ZNF696: variants seen among roughly 807,000 people sequenced by gnomAD.
ZNF696 encodes zinc finger protein 696.
In ZNF696, 10 loss-of-function variants were observed where a neutral mutation model predicts 12.3. The observed-to-expected ratio is 0.81, with a 90% CI of 0.50 to 1.38. The LOEUF (loss-of-function observed/expected upper bound fraction) is 1.38, where lower values mean the gene tolerates loss of function less well. ZNF696 is among the 40% of genes most tolerant of loss of function. The pLI, the probability that ZNF696 is intolerant of heterozygous loss-of-function variation, is 0.00. For synonymous variants in ZNF696, 304 were observed against 243.9 expected (o/e 1.25, Z -2.29); for missense variants, 675 against 554.7 (o/e 1.22, Z -2.18).
chr8:143,293,431 T>A, intron 2 of ZNF696: 1 of 388,624 alleles, frequency 2.6e-6, no homozygotes, highest in Non-Finnish European at 4.6e-6. Context: ...CTCTGCCCAC[T>A]TGGTGTCAGT....
Position 143,296,993 on chromosome 8 carries a change from A to G in ZNF696, c.*193A>G, listed in dbSNP as rs1815732322. 1.9e-6 allele frequency: 1 copy of G among 534,480 alleles called. No homozygotes were observed. The allele number at this position is 534,480 out of a possible 1,614,324, so 33.1% of individuals were successfully genotyped here. A position where few individuals can be genotyped will look rare whatever the true frequency, so the allele number is the denominator to read the frequency against. ...AATCAGGAGAGACAGGGCTCGGGGA[A>G]GGCGAGCGCTGCCCGCGGGAGGCGA... On this transcript the variant is annotated 3_prime_UTR_variant, in exon 3 of 3. Transcript: ENST00000330143.
In ZNF696 at chr8:143,298,740, G is replaced by A. The variant is rs1338562837; in HGVS notation, c.*1940G>A. Among the ~76,000 whole-genome samples, 2 of 152,214 alleles carry A rather than the reference G, an allele frequency of 1.3e-5. No individual in the cohort carries two copies. Among genetic ancestry groups the A allele is most frequent in the East Asian group, 3.8e-4 (2 of 5,196 alleles). On this transcript the variant is annotated 3_prime_UTR_variant, in exon 3 of 3. Transcript: ENST00000330143. ...GGTACATACTGTCACGCATGAATAGGCAGGACTCCTTAAAGAACTTTTGGA... is the reference window on the plus strand; with the variant it reads ...GGTACATACTGTCACGCATGAATAGACAGGACTCCTTAAAGAACTTTTGGA...
At chr8:143,293,364 C>A in intron 2 of ZNF696, 1 of 527,158 alleles carries the variant, frequency 1.9e-6, no homozygotes, top group Non-Finnish European at 3.3e-6. Context: ...TTGGAATGGA[C>A]GAGTCTTTGT....
chr8:143,295,691 C>T, intron 2 of ZNF696, 49 bp from the exon 3 acceptor site: 1 of 1,488,980 alleles, frequency 6.7e-7, no homozygotes, highest in Non-Finnish European at 8.9e-7. Context: ...CCACCCTCGA[C>T]TCACGTTCTC....
Position 143,299,200 on chromosome 8 carries a change from T to C in ZNF696, c.*2400T>C, listed in dbSNP as rs1815764489. 6.6e-6 allele frequency among the ~76,000 whole-genome samples: 1 copy of C among 151,996 alleles called. No homozygotes were observed. Among genetic ancestry groups the C allele is most frequent in the African/African-American group, 2.4e-5 (1 of 41,380 alleles). ...TAAAGGAAAATGAGCCGAGTGATGG[T>C]CTTAGATATAAGATGGAATGGCAAG... On this transcript the variant is annotated 3_prime_UTR_variant, in exon 3 of 3. Transcript: ENST00000330143.
At chr8:143,295,683 A>G (rs922283106) in intron 2 of ZNF696, 57 bp from the exon 3 acceptor site, 9 of 1,474,442 alleles carry the variant, frequency 6.1e-6, no homozygotes, top group Non-Finnish European at 8.1e-6. Context: ...TGCCAGAGCC[A>G]CCCTCGACTC....
In ZNF696 at chr8:143,298,029, T is replaced by C. The variant is rs1440496725; in HGVS notation, c.*1229T>C. ...GAAGTGTCTCTTTGGGGAGCGTTTT[T>C]GGGGGCGTATAGTAAAGCTCTGTCA... On this transcript the variant is annotated 3_prime_UTR_variant, in exon 3 of 3. Transcript: ENST00000330143. 1 of 152,214 alleles carries C rather than the reference T, an allele frequency of 6.6e-6. No homozygotes were observed. Among genetic ancestry groups the C allele is most frequent in the Admixed American group, 6.5e-5 (1 of 15,284 alleles). The allele number at this position is 152,214 out of a possible 1,614,324, so 9.4% of individuals were successfully genotyped here. A position where few individuals can be genotyped will look rare whatever the true frequency, so the allele number is the denominator to read the frequency against.
intron 2 of ZNF696, among the ~76,000 whole-genome samples, chr8:143,294,426 G>A (rs3889655): frequency 0.34 from 50,608 of 149,782 alleles, 9,693 homozygotes; most frequent in African/African-American, 0.52. Context: ...TTGCTCTGTC[G>A]CCAGGCTGGA....
rs753479290 is a variant in ZNF696, at chr8:143,296,118, C to G, written c.443C>G (p.Ser148Trp). Residue 148 changes from serine to tryptophan, a missense_variant, in exon 3 of 3, where the codon TCG becomes TGG. Coordinates refer to ENST00000330143, the MANE Select transcript of ZNF696 (RefSeq NM_030895.3). ...GCGGCAAAGCACCGGAGCATCCACT[C>G]GGGGGAGAAACCGTACGAGTGCAGC... ...SDAAKHRSIH[S>W]GEKPYECSDC... 1 of 1,609,296 alleles carries G rather than the reference C, an allele frequency of 6.2e-7. No homozygotes were observed.
intron 2 of ZNF696, among the ~76,000 whole-genome samples, chr8:143,294,867 AG>A (rs1413443140): frequency 6.6e-6 from 1 of 151,942 alleles, no homozygotes; most frequent in East Asian, 1.9e-4. Flanking sequence ...AGGTGGGAGG[AG>A]GGTTGAGCCC....
In ZNF696 at chr8:143,293,076, A is replaced by G; in HGVS notation, c.64+11A>G. On this transcript the variant is annotated intron_variant, in intron 2 of 2. Coordinates refer to ENST00000330143, the MANE Select transcript of ZNF696 (RefSeq NM_030895.3). Reference sequence around the variant, plus strand: ...TGGAGTCCCTTGCAGGTGAGGGGACATGTCCACAGTCGGGCCCAGAGTTCC... The same window carrying G: ...TGGAGTCCCTTGCAGGTGAGGGGACGTGTCCACAGTCGGGCCCAGAGTTCC... 6.2e-7 allele frequency: 1 copy of G among 1,610,550 alleles called. No homozygotes were observed. Among genetic ancestry groups the G allele is most frequent in the Non-Finnish European group, 8.5e-7 (1 of 1,177,008 alleles).
In ZNF696 at chr8:143,296,576, G is replaced by C; in HGVS notation, c.901G>C (p.Ala301Pro). The change falls in exon 3 of 3, where the codon GCC (alanine) becomes CCC (proline). Residue 301 changes from alanine (A) to proline (P), a missense_variant. Transcript: ENST00000330143. ...CTTCGCCTGCCAGGACTGCGGCCGC[G>C]CCTTCAGCCGCAGCTCCTTCCTCCG... ...RPFACQDCGR[A>P]FSRSSFLREH... The C allele has an allele frequency of 6.3e-7, 1 of 1,592,702 alleles. No homozygotes were observed. The highest frequency in any genetic ancestry group is 8.5e-7 in the Non-Finnish European group (1 of 1,174,544).
Position 143,296,412 on chromosome 8 carries a change from TC to T in ZNF696, c.739del (p.Leu247CysfsTer114), listed in dbSNP as rs1815715852. ...LYACGECGKR[F>X]LHSSNVVRHR... ...GCGTGCGGCGAGTGCGGGAAGCGCT[TC>T]CTGCACAGCTCGAACGTGGTCCGGC... On this transcript the variant is annotated frameshift_variant, in exon 3 of 3. Transcript: ENST00000330143. LOFTEE classifies it high-confidence loss of function. 3 of 1,602,268 alleles carry T rather than the reference TC, an allele frequency of 1.9e-6. No individual in the cohort carries two copies. The highest frequency in any genetic ancestry group is 2.5e-6 in the Non-Finnish European group (3 of 1,176,862).
chr8:143,292,104 CCCA>C (rs1815634489), intron 1 of ZNF696: 1 of 152,008 alleles, frequency 6.6e-6, no homozygotes, highest in Non-Finnish European at 1.5e-5. Context: ...ACTACAGACG[CCCA>C]CCATCACACC....
chr8:143,294,763 C>T (rs371270103), intron 2 of ZNF696, among the ~76,000 whole-genome samples: 6 of 152,026 alleles, frequency 3.9e-5, no homozygotes, highest in Admixed American at 6.5e-5. Flanking sequence ...AAGGAGTCTG[C>T]GTTGTCTCAG....
rs1815767129 is a variant in ZNF696, at chr8:143,299,369, GTTTAA to G, written c.*2573_*2577del. Among the ~76,000 whole-genome samples, 4 of 151,960 alleles carry G rather than the reference GTTTAA, an allele frequency of 2.6e-5. No individual in the cohort carries two copies. The South Asian group carries it at 8.3e-4, about 31-fold the overall frequency. ...TGTTGGGAAGAGGGTGTAAGATAGTGTTTAATTTGACTTTGATAAGTTAAATGTGC... is the reference window on the plus strand; with the variant it reads ...TGTTGGGAAGAGGGTGTAAGATAGTGTTTGACTTTGATAAGTTAAATGTGC... On this transcript the variant is annotated 3_prime_UTR_variant, in exon 3 of 3. Transcript: ENST00000330143.
chr8:143,296,857 G>T lies in ZNF696; in HGVS notation c.*57G>T, dbSNP rs1161324954. On this transcript the variant is annotated 3_prime_UTR_variant, in exon 3 of 3. Coordinates refer to ENST00000330143, the MANE Select transcript of ZNF696 (RefSeq NM_030895.3). ...CCTGGTGGGCGCGAGGCCGAGGCCGGGGGAGGCTCCTGTCCGCCCCGTGCG... is the reference window on the plus strand; with the variant it reads ...CCTGGTGGGCGCGAGGCCGAGGCCGTGGGAGGCTCCTGTCCGCCCCGTGCG... 5.9e-6 allele frequency: 8 copies of T among 1,348,796 alleles called. No homozygotes were observed. Among genetic ancestry groups the T allele is most frequent in the Non-Finnish European group, 7.6e-6 (8 of 1,051,208 alleles). The allele number at this position is 1,348,796 out of a possible 1,614,324, so 83.6% of individuals were successfully genotyped here. A position where few individuals can be genotyped will look rare whatever the true frequency, so the allele number is the denominator to read the frequency against.
intron 1 of ZNF696, among the ~76,000 whole-genome samples, chr8:143,292,530 C>T (rs1258939210): frequency 6.6e-6 from 1 of 151,658 alleles, no homozygotes; most frequent in East Asian, 2.0e-4. Flanking sequence ...CATTCCAAAA[C>T]TTTACCATTC....
intron 1 of ZNF696, among the ~76,000 whole-genome samples, chr8:143,292,524 C>A (rs927988782): frequency 1.3e-5 from 2 of 151,790 alleles, no homozygotes; most frequent in Non-Finnish European, 2.9e-5. Flanking sequence ...ATTCCTCATT[C>A]CAAAACTTTA....
Sources: gnomAD v4.1 joint callset for allele counts (sites outside exome capture counted in the v4.1 genomes callset) on GRCh38, gnomAD v4.1.1 for gene constraint, MANE v1.5 for transcripts, NCBI Gene and HGNC (gene_info 2026-07-23, HGNC 2026-07-21) for gene names.